Variants in PCCA observed in about 807,000 individuals in gnomAD.
PCCA encodes propionyl-CoA carboxylase subunit alpha, also known as propionyl-CoA carboxylase alpha chain, mitochondrial.
PCCA carries 74 observed loss-of-function variants against 101.3 expected under a neutral mutation model. That is an observed-to-expected ratio of 0.73 (90% confidence interval 0.61 to 0.89). The LOEUF is 0.89. PCCA is among the 40% of genes least tolerant of loss of function. The pLI is 0.00. For missense variants in PCCA, 891 were observed against 907.0 expected (o/e 0.98, Z 0.23); for synonymous variants, 294 against 313.6 (o/e 0.94, Z 0.66).
chr13:100,156,955 A>G (rs1196850986), intron 5 of PCCA, among the ~76,000 whole-genome samples: 2 of 152,192 alleles, frequency 1.3e-5, no homozygotes, highest in Admixed American at 6.5e-5. Context: ...GGAAAAGGAG[A>G]GAGAGTTTTG....
At position 100,363,103 on chromosome 13, in the gene PCCA, G is replaced by T. The variant is rs2074801648; in HGVS notation, c.1644-5369G>T. On this transcript the variant is annotated intron_variant, in intron 18 of 23. Transcript: ENST00000376285. The stretch of plus-strand genomic sequence containing the variant: ...TTTTAATAACTGATGGCTCTGTAAA[G>T]AATTTTTTTTGAATTTATTGCACTA... Among the ~76,000 whole-genome samples the T allele has an allele frequency of 2.6e-5, 4 of 152,034 alleles. No homozygotes were observed. The South Asian group carries it at 8.3e-4, about 32-fold the overall frequency.
chr13:100,480,590 T>C (rs2083818968), intron 21 of PCCA, among the ~76,000 whole-genome samples: 1 of 152,182 alleles, frequency 6.6e-6, no homozygotes, highest in Admixed American at 6.5e-5. Flanking sequence ...GTGACTTCCA[T>C]AGAACCTTTT....
rs557227330 is a variant in PCCA, at chr13:100,502,410, G to A, written c.1900-13017G>A. Among the ~76,000 whole-genome samples, 27 of 152,226 alleles carry A rather than the reference G, an allele frequency of 1.8e-4. No homozygotes were observed. In the South Asian group the frequency reaches 2.5e-3, roughly 14 times the overall value. On this transcript the variant is annotated intron_variant, in intron 21 of 23. Coordinates refer to ENST00000376285, the MANE Select transcript of PCCA (RefSeq NM_000282.4). ...TTTTTAACCAAGAGGAGAGCAGAGC[G>A]GCACAGAATGGCTGGTACTCAGTAT...
chr13:100,162,773 G>A (rs184717870), intron 6 of PCCA, among the ~76,000 whole-genome samples: 32 of 152,264 alleles, frequency 2.1e-4, no homozygotes, highest in Middle Eastern at 3.4e-3. Flanking sequence ...TTAACCACTC[G>A]TTGATATTCT....
At chr13:100,191,142 A>G (rs992747968) in intron 6 of PCCA, among the ~76,000 whole-genome samples, 5 of 152,312 alleles carry the variant, frequency 3.3e-5, no homozygotes, top group Middle Eastern at 3.4e-3. Flanking sequence ...ATTCTCAACC[A>G]TAGTACTTCC....
chr13:100,185,647 C>CT (rs60267730), intron 6 of PCCA, among the ~76,000 whole-genome samples: 54 of 133,936 alleles, frequency 4.0e-4, no homozygotes, highest in African/African-American at 8.4e-4. Context: ...ATTTCTTTTT[C>CT]TTTTTTTTTT....
intron 9 of PCCA, among the ~76,000 whole-genome samples, chr13:100,258,593 T>C (rs928561128): frequency 1.3e-5 from 2 of 152,214 alleles, no homozygotes; most frequent in African/African-American, 4.8e-5. Context: ...AGGTTTCTTA[T>C]CAGTCATTTC....
In PCCA at chr13:100,151,360, G is replaced by A. The variant is rs190173614; in HGVS notation, c.301-3619G>A. Among the ~76,000 whole-genome samples the A allele has an allele frequency of 2.0e-3, 305 of 152,274 alleles. 4 individuals carry two copies. Among genetic ancestry groups the A allele is most frequent in the Admixed American group, 0.018 (271 of 15,298 alleles). On this transcript the variant is annotated intron_variant, in intron 4 of 23. Transcript: ENST00000376285. ...TAATCCCAGCACTTTGGGAGGCTGAGGTAGGCGGATCACCTGAGGTCGGGA... is the reference window on the plus strand; with the variant it reads ...TAATCCCAGCACTTTGGGAGGCTGAAGTAGGCGGATCACCTGAGGTCGGGA...
chr13:100,511,326 T>C (rs2086461963), intron 21 of PCCA, among the ~76,000 whole-genome samples: 1 of 152,190 alleles, frequency 6.6e-6, no homozygotes, highest in Admixed American at 6.5e-5. Flanking sequence ...TAGGGGAATA[T>C]TTGAGTGTTG....
At chr13:100,392,368 A>G (rs1392911436) in intron 19 of PCCA, among the ~76,000 whole-genome samples, 3 of 152,220 alleles carry the variant, frequency 2.0e-5, no homozygotes, top group Non-Finnish European at 4.4e-5. Flanking sequence ...TTAACAAACT[A>G]GTTACATAAT....
At chr13:100,497,925 G>A (rs1023410040) in intron 21 of PCCA, among the ~76,000 whole-genome samples, 1 of 151,818 alleles carries the variant, frequency 6.6e-6, no homozygotes, top group African/African-American at 2.4e-5. Context: ...CTGGAGTGCA[G>A]TGGCAGGATC....
At chr13:100,354,286 A>G (rs1167740792) in intron 18 of PCCA, among the ~76,000 whole-genome samples, 4 of 144,692 alleles carry the variant, frequency 2.8e-5, no homozygotes, top group Non-Finnish European at 4.5e-5. Flanking sequence ...TGAAAGAAAG[A>G]AGGAGAGAGA....
chr13:100,456,169 A>G lies in PCCA; in HGVS notation c.1899+6864A>G, dbSNP rs2081694971. On this transcript the variant is annotated intron_variant, in intron 21 of 23. Coordinates refer to ENST00000376285, the MANE Select transcript of PCCA (RefSeq NM_000282.4). ...TTAATGAAGTAGAACATCTTTTCTT[A>G]TTTATTGGCTATTTCTCTTCATCAG... Among the ~76,000 whole-genome samples the G allele has an allele frequency of 3.3e-5, 5 of 152,208 alleles. No individual in the cohort carries two copies. In the South Asian group the frequency reaches 1.0e-3, roughly 32 times the overall value.
chr13:100,200,810 A>G (rs1368341729), intron 6 of PCCA, among the ~76,000 whole-genome samples: 3 of 151,930 alleles, frequency 2.0e-5, no homozygotes, highest in Non-Finnish European at 4.4e-5. Flanking sequence ...AATGTATATA[A>G]CAATATAGAA....
chr13:100,220,269 T>G (rs959432492), intron 7 of PCCA, among the ~76,000 whole-genome samples: 2 of 151,642 alleles, frequency 1.3e-5, no homozygotes, highest in Admixed American at 1.3e-4. Flanking sequence ...TTTGTTTTTG[T>G]TTTTTTTGAG....
At chr13:100,423,006 GT>G (rs78572124) in intron 19 of PCCA, among the ~76,000 whole-genome samples, 241 of 138,194 alleles carry the variant, frequency 1.7e-3, no homozygotes, top group Admixed American at 4.2e-3. Flanking sequence ...TTTTCTCTGA[GT>G]TTTTTTTTTT....
chr13:100,317,954 C>T (rs1040161498), intron 16 of PCCA, among the ~76,000 whole-genome samples: 1 of 152,150 alleles, frequency 6.6e-6, no homozygotes, highest in Non-Finnish European at 1.5e-5. Context: ...CCAGCTGCTT[C>T]TCCCATCTGT....
chr13:100,385,120 T>C (rs1567044457), intron 19 of PCCA, among the ~76,000 whole-genome samples: 1 of 152,202 alleles, frequency 6.6e-6, no homozygotes, highest in Non-Finnish European at 1.5e-5. Context: ...GCAAAAGATA[T>C]TCTCTTTGAG....
In PCCA at chr13:100,112,040, C is replaced by T. The variant is rs776253297; in HGVS notation, c.279C>T (p.His93=). ...KKMGIKTVAI[H]SDVDASSVHV... is the part of the protein sequence containing the mutation. ...TGGGCATTAAGACAGTTGCCATCCACAGTGATGTTGATGCTAGTTCTGTAA... is the reference window on the plus strand; with the variant it reads ...TGGGCATTAAGACAGTTGCCATCCATAGTGATGTTGATGCTAGTTCTGTAA... The change falls in exon 4 of 24, where the codon CAC becomes CAT. Residue 93 remains histidine, a synonymous_variant. Coordinates refer to ENST00000376285, the MANE Select transcript of PCCA (RefSeq NM_000282.4). The T allele has an allele frequency of 2.5e-6, 4 of 1,610,634 alleles. No individual in the cohort carries two copies. Among genetic ancestry groups the T allele is most frequent in the Middle Eastern group, 2.1e-4 (1 of 4,798 alleles).
Sources: allele counts gnomAD v4.1 joint callset (sites outside exome capture counted in the v4.1 genomes callset), GRCh38; gene constraint gnomAD v4.1.1; transcripts MANE v1.5; gene names NCBI Gene and HGNC (gene_info 2026-07-23, HGNC 2026-07-21).